ZNF714: variants seen among roughly 807,000 people sequenced by gnomAD.
ZNF714 encodes zinc finger protein 714.
ZNF714 carries 32 observed loss-of-function variants against 46.2 expected under a neutral mutation model. That is an observed-to-expected ratio of 0.69 (90% CI 0.52 to 0.93). The LOEUF (loss-of-function observed/expected upper bound fraction) is 0.93. ZNF714 is among the 40% of genes least tolerant of loss of function. The probability of loss-of-function intolerance (pLI) is 0.00; values close to 1 mark genes in which losing one functional copy is unlikely to be tolerated. For synonymous variants in ZNF714, 199 were observed against 213.1 expected (o/e 0.93, Z 0.58); for missense variants, 635 against 646.3 (o/e 0.98, Z 0.19).
intron 2 of ZNF714, among the ~76,000 whole-genome samples, chr19:21,086,701 C>A (rs1243458636): frequency 6.6e-6 from 1 of 152,150 alleles, no homozygotes; most frequent in Non-Finnish European, 1.5e-5. Context: ...GAATGCCTAA[C>A]CATCCAGGAA....
chr19:21,098,745 T>A, intron 3 of ZNF714, 67 bp from the exon 4 acceptor site: 6 of 1,015,308 alleles, frequency 5.9e-6, no homozygotes, highest in Non-Finnish European at 8.6e-6. Context: ...TCCTTTTTAC[T>A]GAGCACAGTA....
intron 3 of ZNF714, 44 bp from the exon 4 acceptor site, chr19:21,098,768 C>A: frequency 2.1e-6 from 3 of 1,416,370 alleles, no homozygotes; most frequent in South Asian, 1.2e-5. Flanking sequence ...AGGTTGGTAA[C>A]TAGAGAATAT....
rs913833646 is a variant in ZNF714, at chr19:21,121,587, T to G, written c.*3255T>G. On this transcript the variant is annotated 3_prime_UTR_variant, in exon 5 of 5. Coordinates refer to ENST00000456283, the MANE Select transcript of ZNF714 (RefSeq NM_182515.4). ...TATTAGTCTAAAGACAAACTTTAGG[T>G]GTAAGAAAATTATGGAATAAGTGTG... The G allele has an allele frequency of 2.0e-5, 3 of 152,176 alleles. No individual in the cohort carries two copies. The highest frequency in any genetic ancestry group is 4.4e-5 in the Non-Finnish European group (3 of 68,034). 9.4% of individuals were successfully genotyped at this position (152,176 alleles called of 1,614,324 possible).
intron 2 of ZNF714, among the ~76,000 whole-genome samples, chr19:21,084,377 C>G (rs1032067692): frequency 6.6e-6 from 1 of 151,808 alleles, no homozygotes; most frequent in Non-Finnish European, 1.5e-5. Flanking sequence ...TTGTAGATGC[C>G]TAATTCTGTC....
intron 4 of ZNF714, among the ~76,000 whole-genome samples, chr19:21,099,671 CT>C (rs200895136): frequency 6.6e-6 from 1 of 151,568 alleles, no homozygotes; most frequent in East Asian, 1.9e-4. Flanking sequence ...CTGCTTTGTT[CT>C]TTTTTTTCTC....
intron 3 of ZNF714, among the ~76,000 whole-genome samples, chr19:21,098,537 A>G (rs1252102504): frequency 1.3e-5 from 2 of 152,166 alleles, no homozygotes; most frequent in Non-Finnish European, 2.9e-5. Flanking sequence ...TTCACTCTAG[A>G]TTAGTGGTAA....
intron 4 of ZNF714, among the ~76,000 whole-genome samples, chr19:21,115,779 CAA>C (rs1202038492): frequency 6.6e-6 from 1 of 151,440 alleles, no homozygotes; most frequent in Non-Finnish European, 1.5e-5. Flanking sequence ...TTCATTTTGA[CAA>C]TATTTTTTCT....
intron 2 of ZNF714, among the ~76,000 whole-genome samples, chr19:21,093,471 A>G (rs1417633784): frequency 1.3e-5 from 2 of 150,856 alleles, no homozygotes; most frequent in Admixed American, 1.3e-4. Context: ...ACCGCAGGTG[A>G]TCCGCCCGCC....
intron 2 of ZNF714, among the ~76,000 whole-genome samples, chr19:21,095,587 C>T (rs995327295): frequency 3.9e-5 from 6 of 151,978 alleles, no homozygotes; most frequent in Admixed American, 2.0e-4. Context: ...CTCAGCCTCC[C>T]GAGTAGCTGG....
intron 2 of ZNF714, among the ~76,000 whole-genome samples, chr19:21,087,360 T>C (rs1159583029): frequency 1.3e-5 from 2 of 152,136 alleles, no homozygotes; most frequent in Non-Finnish European, 2.9e-5. Flanking sequence ...TTCCCATAAT[T>C]TTGGAACACA....
In ZNF714 at chr19:21,083,979, GC is replaced by G; in HGVS notation, c.-174del. ...CTTCTGGTTTATTTTCTTCCATAGG[GC>G]GACCTGAGGTCTGGAGTGTATCCTC... On this transcript the variant is annotated splice_region_variant and 5_prime_UTR_variant, in exon 2 of 5. It introduces an in-frame stop codon into an upstream open reading frame of the 5' UTR. Transcript: ENST00000456283. 1.6e-6 allele frequency: 2 copies of G among 1,288,582 alleles called. No homozygotes were observed. The highest frequency in any genetic ancestry group is 2.6e-5 in the South Asian group (2 of 77,772). 79.8% of individuals were successfully genotyped at this position (1,288,582 alleles called of 1,614,324 possible).
intron 2 of ZNF714, among the ~76,000 whole-genome samples, chr19:21,096,221 T>C (rs889772023): frequency 1.8e-4 from 28 of 152,324 alleles, no homozygotes; most frequent in African/African-American, 6.3e-4. Flanking sequence ...TTCCTGAATC[T>C]CTTCTGTTAT....
In ZNF714 at chr19:21,117,088, G is replaced by T; in HGVS notation, c.424G>T (p.Glu142Ter). 6.2e-7 allele frequency: 1 copy of T among 1,613,528 alleles called. No homozygotes were observed. The highest frequency in any genetic ancestry group is 1.1e-5 in the South Asian group (1 of 90,994). The change falls in exon 5 of 5, where the codon GAG becomes TAG. Residue 142 changes from glutamate (E) to a stop codon, truncating the protein, a stop_gained. Coordinates refer to ENST00000456283, the MANE Select transcript of ZNF714 (RefSeq NM_182515.4). LOFTEE classifies it high-confidence loss of function. ...SNRHKTRHTGEKPFKCKKCDE... is the reference protein window; with the variant it reads ...SNRHKTRHTG ...TAGACACAAGACAAGACATACTGGA[G>T]AGAAACCTTTCAAATGTAAAAAATG...
Position 21,118,274 on chromosome 19 carries a change from A to G in ZNF714, c.1610A>G (p.Lys537Arg). ...GVQDQPGQHGKTPSLLKIQKF... is the reference protein window; with the variant it reads ...GVQDQPGQHGRTPSLLKIQKF... The stretch of plus-strand genomic sequence containing the variant: ...CAAGACCAGCCTGGCCAACATGGTA[A>G]AACCCCATCTCTACTAAAAATACAA... The change falls in exon 5 of 5, where the codon AAA (lysine) becomes AGA (arginine). Residue 537 changes from lysine (K) to arginine (R), a missense_variant. Physicochemically the swap from Lys to Arg is conservative, Grantham distance 26 (BLOSUM62 2). Coordinates refer to ENST00000456283, the MANE Select transcript of ZNF714 (RefSeq NM_182515.4). 7.4e-7 allele frequency: 1 copy of G among 1,344,198 alleles called. No homozygotes were observed. The highest frequency in any genetic ancestry group is 1.3e-5 in the South Asian group (1 of 78,278). 83.3% of individuals were successfully genotyped at this position (1,344,198 alleles called of 1,614,324 possible).
chr19:21,122,802 C>T lies in ZNF714; in HGVS notation c.*4470C>T, dbSNP rs540461026. On this transcript the variant is annotated 3_prime_UTR_variant, in exon 5 of 5. Transcript: ENST00000456283. ...TGATGACAAAATTCTATTTTTAGTG[C>T]ACTTAAAAATGGATTTTAACTGGTG... 3 of 152,000 alleles carry T rather than the reference C, an allele frequency of 2.0e-5. No homozygotes were observed. The highest frequency in any genetic ancestry group is 1.9e-4 in the East Asian group (1 of 5,190). The allele number at this position is 152,000 out of a possible 1,614,324, so 9.4% of individuals were successfully genotyped here. A position where few individuals can be genotyped will look rare whatever the true frequency, so the allele number is the denominator to read the frequency against.
intron 2 of ZNF714, among the ~76,000 whole-genome samples, chr19:21,096,200 G>A (rs1969037107): frequency 6.6e-6 from 1 of 152,154 alleles, no homozygotes. Flanking sequence ...TTTCCGTGGA[G>A]CAACTCATTG....
At position 21,122,617 on chromosome 19, in the gene ZNF714, A is replaced by T. The variant is rs1241861699; in HGVS notation, c.*4285A>T. 1 of 151,992 alleles carries T rather than the reference A, an allele frequency of 6.6e-6. No individual in the cohort carries two copies. Among genetic ancestry groups the T allele is most frequent in the East Asian group, 1.9e-4 (1 of 5,174 alleles). The allele number at this position is 151,992 out of a possible 1,614,324, so 9.4% of individuals were successfully genotyped here. A position where few individuals can be genotyped will look rare whatever the true frequency, so the allele number is the denominator to read the frequency against. On this transcript the variant is annotated 3_prime_UTR_variant, in exon 5 of 5. Transcript: ENST00000456283. Reference sequence around the variant, plus strand: ...GAATGAGACTCATAAAAAAAAAAATAAATTCTGCTTCTTTTATTTTCTACT... The same window carrying T: ...GAATGAGACTCATAAAAAAAAAAATTAATTCTGCTTCTTTTATTTTCTACT...
In ZNF714 at chr19:21,116,853, A is replaced by T; in HGVS notation, c.189A>T (p.Ile63=). The T allele has an allele frequency of 6.2e-7, 1 of 1,612,252 alleles. No individual in the cohort carries two copies. Among genetic ancestry groups the T allele is most frequent in the Non-Finnish European group, 8.5e-7 (1 of 1,179,476 alleles). The change falls in exon 5 of 5, where the codon ATA becomes ATT. Residue 63 remains isoleucine (I), a synonymous_variant. Transcript: ENST00000456283. ...GAGACCTTTGGCCAGAGCAAGACAT[A>T]AAAGATTCTTTTCAACAAGTGATAC... ...FTRDLWPEQD[I]KDSFQQVILR... is the part of the protein sequence containing the mutation.
At chr19:21,102,086 T>C (rs534574447) in intron 4 of ZNF714, among the ~76,000 whole-genome samples, 1 of 151,900 alleles carries the variant, frequency 6.6e-6, no homozygotes, top group African/African-American at 2.4e-5. Context: ...TGAGCCATGA[T>C]ACCTGGCTGT....
Sources: gnomAD v4.1 joint callset for allele counts (sites outside exome capture counted in the v4.1 genomes callset) on GRCh38, gnomAD v4.1.1 for gene constraint, MANE v1.5 for transcripts, NCBI Gene and HGNC (gene_info 2026-07-23, HGNC 2026-07-21) for gene names.